The following ZNF738 variants were observed in gnomAD, a reference collection of about 807,000 sequenced individuals.
ZNF738 encodes zinc finger protein 738, also known as protein ZNF738.
In ZNF738, 10 loss-of-function variants were observed where a neutral mutation model predicts 9.2. The observed-to-expected ratio is 1.09, with a 90% CI of 0.67 to 1.85. ZNF738 has a LOEUF of 1.85. Ranked by LOEUF, ZNF738 falls within the 40% of genes most tolerant of loss-of-function variation. The probability of loss-of-function intolerance (pLI) is 0.00; values close to 1 mark genes in which losing one functional copy is unlikely to be tolerated. For missense variants in ZNF738, 346 were observed against 283.6 expected (o/e 1.22, Z -1.58); for synonymous variants, 113 against 94.5 (o/e 1.20, Z -1.14).
At chr19:21,379,029 C>A (rs546805054) in intron 4 of ZNF738, 1 of 146,994 alleles carries the variant, frequency 6.8e-6, no homozygotes, top group South Asian at 2.2e-4. Flanking sequence ...ATTTTTACAT[C>A]ACTTTTTAAA....
rs181386351 is a variant in ZNF738 at position 21,385,427 on chromosome 19, G to A, written c.*1753G>A. Among the ~76,000 whole-genome samples, 2 of 151,982 alleles carry A rather than the reference G, an allele frequency of 1.3e-5. No homozygotes were observed. Among genetic ancestry groups the A allele is most frequent in the Admixed American group, 1.3e-4 (2 of 15,288 alleles). On this transcript the variant is annotated 3_prime_UTR_variant, in exon 5 of 5. Transcript: ENST00000683779. ...GCTGAGATGGCTCCACTGCACTCCA[G>A]CCTGGATGACAGAGAGAGACTCTAT...
chr19:21,374,623 T>G (rs1973901498), intron 2 of ZNF738, among the ~76,000 whole-genome samples: 1 of 152,156 alleles, frequency 6.6e-6, no homozygotes. Context: ...GCAGCTGCCT[T>G]TCTTTCTTAG....
rs1336244718 is a variant in ZNF738 at position 21,387,840 on chromosome 19, A to G, written c.*4166A>G. The stretch of plus-strand genomic sequence containing the variant: ...ATTGTACACATTTTGTACTAGAGGA[A>G]AACTCTGAAGCAGTTGCTCAAGCTT... On this transcript the variant is annotated 3_prime_UTR_variant, in exon 5 of 5. Transcript: ENST00000683779. 6.6e-6 allele frequency among the ~76,000 whole-genome samples: 1 copy of G among 152,214 alleles called. No homozygotes were observed. Among genetic ancestry groups the G allele is most frequent in the Non-Finnish European group, 1.5e-5 (1 of 68,028 alleles).
At chr19:21,361,741 G>C in intron 1 of ZNF738, 25 bp from the exon 2 acceptor site, 1 of 779,212 alleles carries the variant, frequency 1.3e-6, no homozygotes, top group South Asian at 1.3e-5. Flanking sequence ...GTGGATATCA[G>C]CTTCTGGTTT....
chr19:21,373,610 G>A (rs1973884436), intron 2 of ZNF738, among the ~76,000 whole-genome samples: 1 of 152,168 alleles, frequency 6.6e-6, no homozygotes, highest in African/African-American at 2.4e-5. Context: ...ACAGAAATGG[G>A]TGTGCTTTTT....
At chr19:21,359,358 T>C (rs1973651670) in intron 1 of ZNF738, among the ~76,000 whole-genome samples, 1 of 152,190 alleles carries the variant, frequency 6.6e-6, no homozygotes, top group South Asian at 2.1e-4. Flanking sequence ...CCCTGCATAG[T>C]GACTGTGCCC....
Position 21,387,649 on chromosome 19 carries a change from C to T in ZNF738, c.*3975C>T, listed in dbSNP as rs1359838767. On this transcript the variant is annotated 3_prime_UTR_variant, in exon 5 of 5. Transcript: ENST00000683779. ...AAAAGACATTAATATCTGCTTACAT[C>T]TTAACACCAGAGAGTTCATACTTAA... Among the ~76,000 whole-genome samples, 1 of 152,174 alleles carries T rather than the reference C, an allele frequency of 6.6e-6. No individual in the cohort carries two copies. The highest frequency in any genetic ancestry group is 1.9e-4 in the East Asian group (1 of 5,200).
At chr19:21,376,549 T>C (rs1317739615) in intron 4 of ZNF738, 1 of 152,642 alleles carries the variant, frequency 6.6e-6, no homozygotes, top group Non-Finnish European at 1.5e-5. Context: ...AGTTTTTTTG[T>C]TTTGTTTTGT....
chr19:21,361,585 A>AT (rs931032041), intron 1 of ZNF738, among the ~76,000 whole-genome samples, 181 bp from the exon 2 acceptor site: 1 of 152,096 alleles, frequency 6.6e-6, no homozygotes, highest in Non-Finnish European at 1.5e-5. Context: ...TGTTATCGGA[A>AT]TTTTTTTGGG....
Position 21,385,891 on chromosome 19 carries a change from A to G in ZNF738, c.*2217A>G. Among the ~76,000 whole-genome samples, 1 of 152,020 alleles carries G rather than the reference A, an allele frequency of 6.6e-6. No individual in the cohort carries two copies. On this transcript the variant is annotated 3_prime_UTR_variant, in exon 5 of 5. Coordinates refer to ENST00000683779, the MANE Select transcript of ZNF738 (RefSeq NM_001355237.2). ...TGGCAAAGGCTTTAATTTGTCCTCA[A>G]CACTTACTAAACAGAATTCATAGCA...
Position 21,385,677 on chromosome 19 carries a change from ACT to A in ZNF738, c.*2006_*2007del, listed in dbSNP as rs1197334289. On this transcript the variant is annotated 3_prime_UTR_variant, in exon 5 of 5. Transcript: ENST00000683779. ...ATAAGATAATTCATACTGGAGAGAAACTCTACAAATGTCAAGAATGTGGCAAA... is the reference window on the plus strand; with the variant it reads ...ATAAGATAATTCATACTGGAGAGAAACTACAAATGTCAAGAATGTGGCAAA... Among the ~76,000 whole-genome samples the A allele has an allele frequency of 3.3e-5, 5 of 152,094 alleles. No individual in the cohort carries two copies. In the East Asian group the frequency reaches 5.8e-4, roughly 18 times the overall value.
rs1488350480 is a variant in ZNF738 at position 21,383,574 on chromosome 19, C to T, written c.1028C>T (p.Pro343Leu). 2 of 1,027,742 alleles carry T rather than the reference C, an allele frequency of 1.9e-6. No individual in the cohort carries two copies. The highest frequency in any genetic ancestry group is 1.6e-5 in the African/African-American group (1 of 63,714). 63.7% of individuals were successfully genotyped at this position (1,027,742 alleles called of 1,614,324 possible). A position where few individuals can be genotyped will look rare whatever the true frequency, so the allele number is the denominator to read the frequency against. ...AAGATAATTCATACTGGAGAGAAACCCTACAAATGTGAGGAATGTGGCAAA... is the reference window on the plus strand; with the variant it reads ...AAGATAATTCATACTGGAGAGAAACTCTACAAATGTGAGGAATGTGGCAAA... ...KHKIIHTGEK[P>L]YKCEECGKAF... Residue 343 changes from proline to leucine, a missense_variant, in exon 5 of 5, where the codon CCC (proline) becomes CTC (leucine). Transcript: ENST00000683779.
At chr19:21,373,878 CTACT>C (rs1360312024) in intron 2 of ZNF738, among the ~76,000 whole-genome samples, 2 of 151,332 alleles carry the variant, frequency 1.3e-5, no homozygotes, top group African/African-American at 4.9e-5. Context: ...ATTTACTTCT[CTACT>C]TGTGTTTCTT....
At chr19:21,360,144 C>A (rs866550941) in intron 1 of ZNF738, among the ~76,000 whole-genome samples, 2 of 152,100 alleles carry the variant, frequency 1.3e-5, no homozygotes, top group African/African-American at 4.8e-5. Flanking sequence ...AATTTTGTTT[C>A]TCTGAATTTA....
chr19:21,375,219 G>GT lies in ZNF738; in HGVS notation c.97-18dup. ...CCCGTGGACACTTGTAAATATGTGT[G>GT]TGTGTGTGTGTTTTTCAGGGGCCGT... On this transcript the variant is annotated intron_variant, in intron 2 of 4. Transcript: ENST00000683779. 2.8e-6 allele frequency: 3 copies of GT among 1,074,086 alleles called. No individual in the cohort carries two copies. The highest frequency in any genetic ancestry group is 4.3e-6 in the Non-Finnish European group (3 of 704,632). 66.5% of individuals were successfully genotyped at this position (1,074,086 alleles called of 1,614,324 possible). A position where few individuals can be genotyped will look rare whatever the true frequency, so the allele number is the denominator to read the frequency against.
chr19:21,368,187 CAG>C (rs1466044261), intron 2 of ZNF738, among the ~76,000 whole-genome samples: 2 of 152,314 alleles, frequency 1.3e-5, no homozygotes, highest in African/African-American at 4.8e-5. Flanking sequence ...ATTATTTTGT[CAG>C]TGAGTTCCTA....
chr19:21,369,930 C>T (rs1205581751), intron 2 of ZNF738, among the ~76,000 whole-genome samples: 3 of 151,912 alleles, frequency 2.0e-5, no homozygotes, highest in Non-Finnish European at 4.4e-5. Flanking sequence ...TCTCCTGCCT[C>T]GCCCTCCTGA....
intron 2 of ZNF738, among the ~76,000 whole-genome samples, chr19:21,363,586 G>T (rs1973729691): frequency 6.6e-6 from 1 of 152,036 alleles, no homozygotes. Context: ...GTTAATTTCT[G>T]TTAAAAAATT....
intron 2 of ZNF738, among the ~76,000 whole-genome samples, chr19:21,367,235 C>T (rs1473056798): frequency 6.6e-6 from 1 of 152,128 alleles, no homozygotes. Flanking sequence ...TACATTTCTT[C>T]TATTTGACTT....
Sources: gnomAD v4.1 joint callset for allele counts (sites outside exome capture counted in the v4.1 genomes callset) on GRCh38, gnomAD v4.1.1 for gene constraint, MANE v1.5 for transcripts, NCBI Gene and HGNC (gene_info 2026-07-23, HGNC 2026-07-21) for gene names.